Variants in SLC2A1 observed in about 807,000 individuals in gnomAD.
SLC2A1 encodes solute carrier family 2, facilitated glucose transporter member 1.
In SLC2A1, 4 loss-of-function variants were observed where a neutral mutation model predicts 46.6. That is an observed-to-expected ratio of 0.09 (90% CI 0.04 to 0.20). The LOEUF (loss-of-function observed/expected upper bound fraction) is 0.20. Among genes scored for constraint, SLC2A1 ranks in the 10% least tolerant of loss-of-function variants. The pLI is 1.00. For synonymous variants in SLC2A1, 253 were observed against 270.0 expected (o/e 0.94, Z 0.62); for missense variants, 352 against 667.0 (o/e 0.53, Z 5.20).
In SLC2A1 at chr1:42,930,707, A is replaced by G; in HGVS notation, c.435T>C (p.Gly145=). 6.2e-7 allele frequency: 1 copy of G among 1,613,280 alleles called. No homozygotes were observed. Among genetic ancestry groups the G allele is most frequent in the Non-Finnish European group, 8.5e-7 (1 of 1,179,922 alleles). Reference sequence around the variant, plus strand: ...CACGAAGGGCTGTGGGTGACACTTCACCCACATACATGGGCACGAAGCCTG... The same window carrying G: ...CACGAAGGGCTGTGGGTGACACTTCGCCCACATACATGGGCACGAAGCCTG... ...LTTGFVPMYV[G]EVSPTALRGA... The change falls in exon 4 of 10, where the codon GGT becomes GGC. Residue 145 remains glycine, a synonymous_variant. Transcript: ENST00000426263. This position sits in a 1 kb window ranked among gnomAD's most constrained non-coding sequence, Gnocchi z 6.2.
In SLC2A1 at chr1:42,930,968, C is replaced by T. The variant is rs1025856048; in HGVS notation, c.275+78G>A. On this transcript the variant is annotated intron_variant, in intron 3 of 9. Coordinates refer to ENST00000426263, the MANE Select transcript of SLC2A1 (RefSeq NM_006516.4). This position sits in a 1 kb window ranked among gnomAD's most constrained non-coding sequence, Gnocchi z 6.2. ...GGAACAGGCAGATAAGTCTCCCCTA[C>T]CTCCCACCCCATCTGGGACTCCCTG... 8.7e-6 allele frequency: 14 copies of T among 1,607,968 alleles called. No homozygotes were observed. In the African/African-American group the frequency reaches 1.7e-4, roughly 20 times the overall value.
At chr1:42,951,598 A>C in intron 1 of SLC2A1, 3 of 372,932 alleles carry the variant, frequency 8.0e-6, no homozygotes, top group Non-Finnish European at 1.4e-5. Context: ...GGTAAACACC[A>C]AACTGTCAAA....
chr1:42,941,890 T>C (rs1036326062), intron 2 of SLC2A1, among the ~76,000 whole-genome samples: 3 of 152,196 alleles, frequency 2.0e-5, no homozygotes, highest in Non-Finnish European at 4.4e-5. Flanking sequence ...CCCAGCAAAC[T>C]TGGAAAAGTC....
chr1:42,940,235 C>A (rs1643583579), intron 2 of SLC2A1, among the ~76,000 whole-genome samples: 1 of 152,262 alleles, frequency 6.6e-6, no homozygotes, highest in Non-Finnish European at 1.5e-5. Context: ...TCTCACTCTT[C>A]ACCCAATCGT....
intron 1 of SLC2A1, among the ~76,000 whole-genome samples, chr1:42,955,657 G>A (rs777791492): frequency 3.4e-4 from 51 of 152,200 alleles, no homozygotes; most frequent in Admixed American, 1.3e-3. Flanking sequence ...GAGAAAGCCT[G>A]CAGATTTCTG....
At chr1:42,949,047 G>A (rs150336015) in intron 1 of SLC2A1, among the ~76,000 whole-genome samples, 2,001 of 145,868 alleles carry the variant, frequency 0.014, 46 homozygotes, top group African/African-American at 0.049. Context: ...CAGCCTGGGC[G>A]ACAGAGCAAG....
rs1055832726 is a variant in SLC2A1, at chr1:42,926,996, C to T, written c.*45G>A. Reference sequence around the variant, plus strand: ...CCAGCTGCCTGTGCTCCTGAGAGATCCTTAGGGCTGCTGGGAGCAGGCCGG... The same window carrying T: ...CCAGCTGCCTGTGCTCCTGAGAGATTCTTAGGGCTGCTGGGAGCAGGCCGG... On this transcript the variant is annotated 3_prime_UTR_variant, in exon 10 of 10. Transcript: ENST00000426263. The T allele has an allele frequency of 6.2e-7, 1 of 1,605,324 alleles. No individual in the cohort carries two copies. Among genetic ancestry groups the T allele is most frequent in the Non-Finnish European group, 8.5e-7 (1 of 1,174,170 alleles).
At chr1:42,958,138 C>G (rs528044564) in intron 1 of SLC2A1, among the ~76,000 whole-genome samples, 3 of 152,120 alleles carry the variant, frequency 2.0e-5, no homozygotes, top group Non-Finnish European at 2.9e-5. Context: ...GGCGTCCGGG[C>G]TAGGGGAGCA....
chr1:42,940,165 C>G (rs1422489814), intron 2 of SLC2A1, among the ~76,000 whole-genome samples: 1 of 152,192 alleles, frequency 6.6e-6, no homozygotes, highest in Non-Finnish European at 1.5e-5. Flanking sequence ...CAAACCTCCT[C>G]TTTTCTCCCT....
At chr1:42,952,513 T>C (rs1643732376) in intron 1 of SLC2A1, 2 of 417,734 alleles carry the variant, frequency 4.8e-6, no homozygotes, top group Non-Finnish European at 9.8e-6. Context: ...TCCAGCCGCA[T>C]AAGGGCCAGG....
At chr1:42,941,247 T>C (rs892321474) in intron 2 of SLC2A1, among the ~76,000 whole-genome samples, 1 of 152,196 alleles carries the variant, frequency 6.6e-6, no homozygotes, top group Non-Finnish European at 1.5e-5. Context: ...CTGAAGTCCA[T>C]GCTCCCTAGC....
chr1:42,956,486 G>A (rs1388313040), intron 1 of SLC2A1, among the ~76,000 whole-genome samples: 1 of 151,560 alleles, frequency 6.6e-6, no homozygotes, highest in Non-Finnish European at 1.5e-5. Context: ...TCGGGAGGCT[G>A]AGGCAGAAGA....
intron 1 of SLC2A1, chr1:42,951,698 C>T (rs1570606631): frequency 5.0e-6 from 2 of 396,414 alleles, no homozygotes; most frequent in Admixed American, 4.4e-5. Flanking sequence ...TTTTTCCAGT[C>T]ACATCTAAGA....
chr1:42,958,813 C>T lies in SLC2A1; in HGVS notation c.-162G>A. 1 of 659,582 alleles carries T rather than the reference C, an allele frequency of 1.5e-6. No homozygotes were observed. Among genetic ancestry groups the T allele is most frequent in the Non-Finnish European group, 2.5e-6 (1 of 399,084 alleles). 40.9% of individuals were successfully genotyped at this position (659,582 alleles called of 1,614,324 possible). A position where few individuals can be genotyped will look rare whatever the true frequency, so the allele number is the denominator to read the frequency against. ...GGTCTCCTGCTCCCTGGCGTGCTCA[C>T]TCGGGGACCCGCGACTAGCGACCGG... On this transcript the variant is annotated 5_prime_UTR_variant, in exon 1 of 10. The change creates a new upstream start codon in the 5' untranslated region. Transcript: ENST00000426263.
rs1033308297 is a variant in SLC2A1 at position 42,931,922 on chromosome 1, T to C, written c.115-716A>G. Among the ~76,000 whole-genome samples the C allele has an allele frequency of 4.0e-5, 6 of 150,584 alleles. No individual in the cohort carries two copies. The East Asian group carries it at 1.2e-3, about 30-fold the overall frequency. The stretch of plus-strand genomic sequence containing the variant: ...CATGTCTCAAAGCCCCAGGGGCCCA[T>C]CTCCTGCCATCAGGCCCTCCCCCCA... On this transcript the variant is annotated intron_variant, in intron 2 of 9. Transcript: ENST00000426263.
chr1:42,927,722 T>C lies in SLC2A1; in HGVS notation c.1161A>G (p.Pro387=), dbSNP rs138441972. 9 of 1,614,030 alleles carry C rather than the reference T, an allele frequency of 5.6e-6. No individual in the cohort carries two copies. The highest frequency in any genetic ancestry group is 5.1e-6 in the Non-Finnish European group (6 of 1,179,980). ...TGAAGAGTTCAGCCACGATGAACCA[T>C]GGGATGGGGCCAGGACCCACTTCAA... ...AFFEVGPGPI[P]WFIVAELFSQ... is the part of the protein sequence containing the mutation. The change falls in exon 9 of 10, where the codon CCA becomes CCG. Residue 387 remains proline (P), a synonymous_variant. Coordinates refer to ENST00000426263, the MANE Select transcript of SLC2A1 (RefSeq NM_006516.4). The surrounding 1 kb of genome is among the most constrained non-coding windows in gnomAD (Gnocchi z 5.3).
chr1:42,931,035 C>T lies in SLC2A1; in HGVS notation c.275+11G>A. The T allele has an allele frequency of 6.2e-7, 1 of 1,613,950 alleles. No homozygotes were observed. The highest frequency in any genetic ancestry group is 8.5e-7 in the Non-Finnish European group (1 of 1,179,944). On this transcript the variant is annotated intron_variant, in intron 3 of 9. Transcript: ENST00000426263. Reference sequence around the variant, plus strand: ...CCCTCCAAGGGCAGTGCCAGGACCTCTCCTACTTACCGGCCAAAGCGGTTA... The same window carrying T: ...CCCTCCAAGGGCAGTGCCAGGACCTTTCCTACTTACCGGCCAAAGCGGTTA...
chr1:42,952,179 G>T (rs1643728060), intron 1 of SLC2A1: 2 of 506,216 alleles, frequency 4.0e-6, no homozygotes, highest in South Asian at 2.3e-5. Context: ...ATAAGCAGGG[G>T]TGATCTTTAT....
At position 42,926,857 on chromosome 1, in the gene SLC2A1, T is replaced by G. The variant is rs1643431823; in HGVS notation, c.*184A>C. The G allele has an allele frequency of 6.8e-7, 1 of 1,468,394 alleles. No homozygotes were observed. Among genetic ancestry groups the G allele is most frequent in the African/African-American group, 1.4e-5 (1 of 70,510 alleles). The allele number at this position is 1,468,394 out of a possible 1,614,324, so 91.0% of individuals were successfully genotyped here. A position where few individuals can be genotyped will look rare whatever the true frequency, so the allele number is the denominator to read the frequency against. ...TAGATTTGAGCAACAGTCTTGCTTT[T>G]GTTAAAATCCTGGAGCCGTTAAGTC... is the stretch of plus-strand genomic sequence containing the variant. On this transcript the variant is annotated 3_prime_UTR_variant, in exon 10 of 10. Transcript: ENST00000426263.
Sources: gnomAD v4.1 joint callset for allele counts (sites outside exome capture counted in the v4.1 genomes callset) on GRCh38, gnomAD v4.1.1 for gene constraint, Gnocchi (gnomAD v3.1) non-coding constraint, MANE v1.5 for transcripts, NCBI Gene and HGNC (gene_info 2026-07-23, HGNC 2026-07-21) for gene names.